RHPN2: variants seen among roughly 807,000 people sequenced by gnomAD.
RHPN2 encodes the protein rhophilin Rho GTPase binding protein 2.
Under a neutral mutation model 79.0 loss-of-function variants are expected in RHPN2, and 40 were observed. The observed-to-expected ratio is 0.51, with a 90% CI of 0.39 to 0.66. The LOEUF (loss-of-function observed/expected upper bound fraction) is 0.66, where lower values mean the gene tolerates loss of function less well. Ranked by LOEUF, RHPN2 falls within the 30% of genes least tolerant of loss-of-function variation. The pLI is 0.00. For synonymous variants in RHPN2, 285 were observed against 363.5 expected (o/e 0.78, Z 2.46); for missense variants, 686 against 883.5 (o/e 0.78, Z 2.83).
At chr19:33,003,824 G>A (rs10427110) in intron 7 of RHPN2, among the ~76,000 whole-genome samples, 30,262 of 151,990 alleles carry the variant, frequency 0.2, 3,096 homozygotes, top group Middle Eastern at 0.28. Context: ...CTGGAAAAGC[G>A]GGCAATGGGA....
chr19:33,064,634 G>A (rs1568330356), intron 1 of RHPN2, 150 bp downstream of exon 1: 9 of 698,374 alleles, frequency 1.3e-5, no homozygotes, highest in Non-Finnish European at 1.9e-5. Flanking sequence ...CTCCCCGCCA[G>A]CCTCCGTCCG....
At chr19:33,001,136 A>G (rs998359241) in intron 9 of RHPN2, among the ~76,000 whole-genome samples, 7 of 152,208 alleles carry the variant, frequency 4.6e-5, no homozygotes, top group African/African-American at 1.7e-4. Context: ...TGCCCAAGGT[A>G]AAACAGCTCA....
chr19:33,019,761 C>G (rs1476287785), intron 4 of RHPN2, among the ~76,000 whole-genome samples: 1 of 151,062 alleles, frequency 6.6e-6, no homozygotes, highest in Non-Finnish European at 1.5e-5. Context: ...GAGACTCTGT[C>G]TCAAAATAAT....
At chr19:33,058,228 A>G (rs1345448803) in intron 1 of RHPN2, among the ~76,000 whole-genome samples, 4 of 152,152 alleles carry the variant, frequency 2.6e-5, no homozygotes, top group Non-Finnish European at 5.9e-5. Flanking sequence ...CAAAGCACCA[A>G]TTCCCAGCAC....
intron 1 of RHPN2, among the ~76,000 whole-genome samples, chr19:33,053,298 T>C (rs1183816211): frequency 6.6e-6 from 1 of 151,926 alleles, no homozygotes; most frequent in Non-Finnish European, 1.5e-5. Flanking sequence ...CTTGAATAAC[T>C]AGGCTTTTAC....
Position 33,040,231 on chromosome 19 carries a change from CTTTTTTTTT to C in RHPN2, c.185+4009_185+4017del, listed in dbSNP as rs1007486362. Reference sequence around the variant, plus strand: ...AACTAGTTAAAACTAGGCAACCTGCCTTTTTTTTTTTTTTTTTTTTTTTGAGACGGAGTC... The same window carrying C: ...AACTAGTTAAAACTAGGCAACCTGCCTTTTTTTTTTTTTTGAGACGGAGTC... On this transcript the variant is annotated intron_variant, in intron 2 of 14. Coordinates refer to ENST00000254260, the MANE Select transcript of RHPN2 (RefSeq NM_033103.5). 9.2e-5 allele frequency among the ~76,000 whole-genome samples: 9 copies of C among 97,776 alleles called. No individual in the cohort carries two copies. In the South Asian group the frequency reaches 3.3e-3, roughly 36 times the overall value. 64.1% of individuals were successfully genotyped at this position (97,776 alleles called of 152,430 possible). A position where few individuals can be genotyped will look rare whatever the true frequency, so the allele number is the denominator to read the frequency against.
At chr19:33,040,678 G>C (rs1450200658) in intron 2 of RHPN2, among the ~76,000 whole-genome samples, 1 of 152,150 alleles carries the variant, frequency 6.6e-6, no homozygotes, top group African/African-American at 2.4e-5. Flanking sequence ...AGTACGGTCA[G>C]GCATGGTGGC....
chr19:33,053,312 G>A (rs1972204597), intron 1 of RHPN2, among the ~76,000 whole-genome samples: 1 of 151,386 alleles, frequency 6.6e-6, no homozygotes, highest in Non-Finnish European at 1.5e-5. Context: ...CTTTTACTGT[G>A]CCTCCCACCA....
chr19:32,980,357 C>T, intron 14 of RHPN2, 101 bp from the exon 15 acceptor site: 1 of 1,400,582 alleles, frequency 7.1e-7, no homozygotes, highest in African/African-American at 1.4e-5. Flanking sequence ...CCTGTAATCC[C>T]AACAGTTTGG....
chr19:33,030,122 C>T (rs1470038398), intron 2 of RHPN2, among the ~76,000 whole-genome samples: 1 of 152,126 alleles, frequency 6.6e-6, no homozygotes, highest in African/African-American at 2.4e-5. Flanking sequence ...TGAGAACACT[C>T]GTAAAATCGA....
intron 2 of RHPN2, among the ~76,000 whole-genome samples, chr19:33,033,927 C>T (rs545929108): frequency 1.7e-4 from 26 of 152,050 alleles, no homozygotes; most frequent in African/African-American, 6.3e-4. Flanking sequence ...AAGAACCCCA[C>T]CAAAATCCCT....
At chr19:33,020,819 T>C (rs565637485) in intron 4 of RHPN2, among the ~76,000 whole-genome samples, 1 of 152,266 alleles carries the variant, frequency 6.6e-6, no homozygotes, top group Admixed American at 6.5e-5. Context: ...TTACTTTCAA[T>C]GGAAAAACTG....
At chr19:33,052,080 C>T (rs1055908677) in intron 1 of RHPN2, among the ~76,000 whole-genome samples, 1 of 151,728 alleles carries the variant, frequency 6.6e-6, no homozygotes, top group African/African-American at 2.4e-5. Context: ...GATTTCTAGC[C>T]TCTAGAACTG....
At chr19:33,024,633 C>T (rs577069188) in intron 3 of RHPN2, among the ~76,000 whole-genome samples, 59 of 151,812 alleles carry the variant, frequency 3.9e-4, no homozygotes, top group African/African-American at 1.3e-3. Flanking sequence ...TCCCAAATCC[C>T]GGGAGCTATT....
intron 2 of RHPN2, among the ~76,000 whole-genome samples, chr19:33,036,234 C>T (rs1256745143): frequency 6.8e-6 from 1 of 146,154 alleles, no homozygotes; most frequent in Non-Finnish European, 1.5e-5. Context: ...GTTGCCCAGG[C>T]TGGAGTGCAG....
At chr19:32,991,438 G>A (rs1176688432) in intron 13 of RHPN2, 6 of 281,520 alleles carry the variant, frequency 2.1e-5, no homozygotes, top group East Asian at 9.8e-5. Context: ...CAGCCTGGGC[G>A]ACAGAGTGAG....
At chr19:33,006,143 G>T (rs1971789235) in intron 7 of RHPN2, among the ~76,000 whole-genome samples, 1 of 151,720 alleles carries the variant, frequency 6.6e-6, no homozygotes, top group Admixed American at 6.6e-5. Context: ...GCCTCCTAAA[G>T]TGCTGGGATT....
chr19:33,004,795 C>T (rs527585843), intron 7 of RHPN2, among the ~76,000 whole-genome samples: 5 of 151,842 alleles, frequency 3.3e-5, no homozygotes, highest in Middle Eastern at 6.8e-3. Flanking sequence ...CCATGTTGGC[C>T]AGGCTGGTCT....
At chr19:33,031,633 C>G (rs1972012879) in intron 2 of RHPN2, among the ~76,000 whole-genome samples, 1 of 152,062 alleles carries the variant, frequency 6.6e-6, no homozygotes, top group Non-Finnish European at 1.5e-5. Context: ...GTGATCCTCC[C>G]TCACCCTCCT....
Sources: allele counts gnomAD v4.1 joint callset (sites outside exome capture counted in the v4.1 genomes callset), GRCh38; gene constraint gnomAD v4.1.1; transcripts MANE v1.5; gene names NCBI Gene and HGNC (gene_info 2026-07-23, HGNC 2026-07-21).